TBL1XR1: variants seen among roughly 807,000 people sequenced by gnomAD.
TBL1XR1 encodes F-box-like/WD repeat-containing protein TBL1XR1.
TBL1XR1 carries 5 observed loss-of-function variants against 66.9 expected under a neutral mutation model. The observed-to-expected ratio is 0.07, with a 90% CI of 0.04 to 0.16. The LOEUF (loss-of-function observed/expected upper bound fraction) is 0.16, where lower values mean the gene tolerates loss of function less well. Among genes scored for constraint, TBL1XR1 ranks in the 10% least tolerant of loss-of-function variants. The pLI is 1.00. For missense variants in TBL1XR1, 238 were observed against 623.2 expected (o/e 0.38, Z 6.58); for synonymous variants, 210 against 206.0 (o/e 1.02, Z -0.17).
At chr3:177,050,335 A>G (rs1479646212) in intron 6 of TBL1XR1, 143 bp downstream of exon 6, 1 of 1,264,248 alleles carries the variant, frequency 7.9e-7, no homozygotes. Flanking sequence ...AAATTCTACA[A>G]TTACTTCATG....
intron 12 of TBL1XR1, among the ~76,000 whole-genome samples, chr3:177,037,206 C>T (rs1714918494): frequency 6.6e-6 from 1 of 152,182 alleles, no homozygotes; most frequent in South Asian, 2.1e-4. Flanking sequence ...CAATCAAATC[C>T]ATGAATGCTA....
intron 2 of TBL1XR1, among the ~76,000 whole-genome samples, chr3:177,067,548 G>A (rs779373349): frequency 3.8e-4 from 58 of 152,126 alleles, no homozygotes; most frequent in Non-Finnish European, 7.2e-4. Flanking sequence ...ATAAATTATT[G>A]CTTTTAAAAA....
Position 177,023,935 on chromosome 3 carries a change from T to C in TBL1XR1, c.*1563A>G, listed in dbSNP as rs189956649. 5 of 152,230 alleles carry C rather than the reference T, an allele frequency of 3.3e-5. No homozygotes were observed. Among genetic ancestry groups the C allele is most frequent in the Non-Finnish European group, 7.4e-5 (5 of 67,940 alleles). 9.4% of individuals were successfully genotyped at this position (152,230 alleles called of 1,614,324 possible). On this transcript the variant is annotated 3_prime_UTR_variant, in exon 16 of 16. Transcript: ENST00000457928. Reference sequence around the variant, plus strand: ...CAGAAATGACATACCTGGATTATGTTAATCATGACAAGCCTTATTAGTCAC... The same window carrying C: ...CAGAAATGACATACCTGGATTATGTCAATCATGACAAGCCTTATTAGTCAC...
chr3:177,167,128 T>C (rs563031537), intron 1 of TBL1XR1, among the ~76,000 whole-genome samples: 1 of 152,332 alleles, frequency 6.6e-6, no homozygotes, highest in African/African-American at 2.4e-5. Flanking sequence ...GTTGATAAAC[T>C]TGGTACATGC....
chr3:177,158,817 T>G (rs1331829555), intron 1 of TBL1XR1, among the ~76,000 whole-genome samples: 1 of 152,002 alleles, frequency 6.6e-6, no homozygotes, highest in Non-Finnish European at 1.5e-5. Flanking sequence ...CCCAAGAAAT[T>G]AACCTAACCT....
intron 1 of TBL1XR1, among the ~76,000 whole-genome samples, chr3:177,116,759 G>C (rs1726356244): frequency 6.6e-6 from 1 of 152,134 alleles, no homozygotes; most frequent in Non-Finnish European, 1.5e-5. Flanking sequence ...TCTCTCAGAG[G>C]AAAGTTATGT....
At chr3:177,098,005 G>A (rs755554161) in intron 2 of TBL1XR1, among the ~76,000 whole-genome samples, 7 of 152,084 alleles carry the variant, frequency 4.6e-5, no homozygotes, top group East Asian at 1.9e-4. Context: ...TCAGGGGTTC[G>A]AGACCAGCCT....
chr3:177,173,333 A>G (rs1733787032), intron 1 of TBL1XR1, among the ~76,000 whole-genome samples: 1 of 152,232 alleles, frequency 6.6e-6, no homozygotes, highest in Non-Finnish European at 1.5e-5. Context: ...TAGTAGACTC[A>G]CTTCTAATGA....
At chr3:177,163,685 G>T (rs1732487940) in intron 1 of TBL1XR1, among the ~76,000 whole-genome samples, 1 of 152,054 alleles carries the variant, frequency 6.6e-6, no homozygotes, top group South Asian at 2.1e-4. Flanking sequence ...ATATCTGGAA[G>T]GATACAAAGA....
At chr3:177,135,637 C>T (rs1728909512) in intron 1 of TBL1XR1, among the ~76,000 whole-genome samples, 1 of 151,590 alleles carries the variant, frequency 6.6e-6, no homozygotes, top group African/African-American at 2.4e-5. Context: ...CCGCCTCGGC[C>T]TCCCAAAGTG....
chr3:177,067,631 T>C (rs972822704), intron 2 of TBL1XR1, among the ~76,000 whole-genome samples: 1 of 152,188 alleles, frequency 6.6e-6, no homozygotes, highest in Non-Finnish European at 1.5e-5. Context: ...AGCAGGAAAG[T>C]TATCTGTCCA....
intron 1 of TBL1XR1, among the ~76,000 whole-genome samples, chr3:177,163,725 A>T (rs527980483): frequency 6.6e-6 from 1 of 152,260 alleles, no homozygotes; most frequent in Non-Finnish European, 1.5e-5. Context: ...GCTCTAGGAA[A>T]GTAACTTGGT....
At chr3:177,044,699 T>C (rs547622789) in intron 10 of TBL1XR1, among the ~76,000 whole-genome samples, 1 of 152,148 alleles carries the variant, frequency 6.6e-6, no homozygotes, top group Non-Finnish European at 1.5e-5. Flanking sequence ...AACAAAAGTA[T>C]GGTAAGAAAG....
intron 1 of TBL1XR1, among the ~76,000 whole-genome samples, chr3:177,158,525 C>T (rs890056296): frequency 6.6e-6 from 1 of 152,148 alleles, no homozygotes; most frequent in African/African-American, 2.4e-5. Context: ...CCACGTCCGG[C>T]CAATATAGGA....
At chr3:177,047,636 A>G in intron 7 of TBL1XR1, 87 bp from the exon 8 acceptor site, 4 of 1,419,242 alleles carry the variant, frequency 2.8e-6, no homozygotes, top group Non-Finnish European at 3.9e-6. Context: ...AATCCCAGGT[A>G]CAGAAGAGAA....
chr3:177,176,015 C>A (rs535242907), intron 1 of TBL1XR1, among the ~76,000 whole-genome samples: 5 of 149,306 alleles, frequency 3.3e-5, no homozygotes, highest in African/African-American at 1.2e-4. Context: ...GCCCACATAG[C>A]GCCACTGCAC....
intron 1 of TBL1XR1, among the ~76,000 whole-genome samples, chr3:177,119,271 C>G (rs1726698124): frequency 6.6e-6 from 1 of 152,186 alleles, no homozygotes; most frequent in African/African-American, 2.4e-5. Flanking sequence ...CCGCACCTGG[C>G]TGATAATCAG....
At chr3:177,084,185 G>T (rs553536015) in intron 2 of TBL1XR1, among the ~76,000 whole-genome samples, 1 of 151,730 alleles carries the variant, frequency 6.6e-6, no homozygotes, top group Admixed American at 6.6e-5. Flanking sequence ...TTTAACAAAC[G>T]TATGTACCTG....
chr3:177,180,033 T>A (rs904980468), intron 1 of TBL1XR1, among the ~76,000 whole-genome samples: 2 of 151,768 alleles, frequency 1.3e-5, no homozygotes, highest in African/African-American at 4.8e-5. Flanking sequence ...GGTCAGGAGA[T>A]CGAGACCATC....
Sources: gnomAD v4.1 joint callset for allele counts (sites outside exome capture counted in the v4.1 genomes callset) on GRCh38, gnomAD v4.1.1 for gene constraint, MANE v1.5 for transcripts, NCBI Gene and HGNC (gene_info 2026-07-23, HGNC 2026-07-21) for gene names.